The following POR variants were observed in gnomAD, a reference collection of about 807,000 sequenced individuals.
POR encodes the protein cytochrome p450 oxidoreductase, also known as NADPH--cytochrome P450 reductase.
Under a neutral mutation model 84.0 loss-of-function variants are expected in POR, and 56 were observed. The observed-to-expected ratio is 0.67, with a 90% confidence interval of 0.54 to 0.83. The LOEUF (loss-of-function observed/expected upper bound fraction) is 0.83, where lower values mean the gene tolerates loss of function less well. Ranked by LOEUF, POR falls within the 40% of genes least tolerant of loss-of-function variation. The pLI is 0.00. For synonymous variants in POR, 414 were observed against 400.5 expected, an observed-to-expected ratio of 1.03 and a Z score of -0.40; for missense variants, 938 against 944.3, an observed-to-expected ratio of 0.99 and a Z score of 0.09.
chr7:75,981,301 G>A (rs1789027075), intron 6 of POR, 129 bp downstream of exon 6: 19 of 1,376,780 alleles, frequency 1.4e-5, no homozygotes, highest in Non-Finnish European at 1.8e-5. Context: ...GAGGGAAGGG[G>A]CTCTCCTGCC....
At chr7:75,968,263 G>A (rs782458887) in intron 2 of POR, 6 of 467,874 alleles carry the variant, frequency 1.3e-5, no homozygotes, top group African/African-American at 8.0e-5. Context: ...GCGGCTGCCT[G>A]GAGTTAACAG....
chr7:75,929,316 T>C (rs941048962), intron 1 of POR, among the ~76,000 whole-genome samples: 1 of 152,076 alleles, frequency 6.6e-6, no homozygotes, highest in Non-Finnish European at 1.5e-5. Flanking sequence ...CAGGCTGGAG[T>C]GCAGTGGTGC....
intron 1 of POR, chr7:75,922,725 C>G: frequency 2.7e-6 from 1 of 371,932 alleles, no homozygotes; most frequent in Non-Finnish European, 5.0e-6. Context: ...GGTGGGGTTG[C>G]GCATGTTCAG....
At chr7:75,952,995 C>G (rs1469145319) in intron 1 of POR, among the ~76,000 whole-genome samples, 1 of 152,118 alleles carries the variant, frequency 6.6e-6, no homozygotes, top group Non-Finnish European at 1.5e-5. Context: ...TGTAGCGAGC[C>G]GAGATCAAGC....
intron 1 of POR, among the ~76,000 whole-genome samples, chr7:75,924,070 T>A (rs1807001634): frequency 6.6e-6 from 1 of 152,084 alleles, no homozygotes. Context: ...GGTTTAATGT[T>A]GGTGAATGAG....
intron 1 of POR, among the ~76,000 whole-genome samples, chr7:75,934,167 G>A (rs1167944688): frequency 7.0e-6 from 1 of 143,606 alleles, no homozygotes; most frequent in Non-Finnish European, 1.5e-5. Context: ...GTGTGTGTGT[G>A]TGTGTCTTAG....
intron 1 of POR, among the ~76,000 whole-genome samples, chr7:75,931,901 C>A (rs1001565347): frequency 6.6e-6 from 1 of 152,166 alleles, no homozygotes; most frequent in South Asian, 2.1e-4. Context: ...TTCAGTTTGC[C>A]CTCCCTGCTG....
At position 75,982,269 on chromosome 7, in the gene POR, C is replaced by T. The variant is rs782775558; in HGVS notation, c.777C>T (p.Ala259=). 3.1e-6 allele frequency: 5 copies of T among 1,612,836 alleles called. No homozygotes were observed. Among genetic ancestry groups the T allele is most frequent in the African/African-American group, 2.7e-5 (2 of 74,912 alleles). ...TGGTCCACACCGACATAGATGCGGC[C>T]AAGGTGTACATGGGGGAGATGGGCC... The change falls in exon 8 of 16, where the codon GCC becomes GCT. Residue 259 remains alanine, a synonymous_variant. Transcript: ENST00000461988.
At chr7:75,984,642 T>G in intron 10 of POR, 135 bp from the exon 11 acceptor site, 1 of 769,070 alleles carries the variant, frequency 1.3e-6, no homozygotes, top group Non-Finnish European at 2.2e-6. Flanking sequence ...TCAGAGAGCA[T>G]AGGCCTTGTT....
At position 75,980,427 on chromosome 7, in the gene POR, C is replaced by G; in HGVS notation, c.455C>G (p.Ala152Gly). The stretch of plus-strand genomic sequence containing the variant: ...GGTGAGGGAGACCCCACCGACAATG[C>G]CCAGGACTTCTACGACTGGCTGCAG... Residue 152 changes from alanine to glycine, a missense_variant, in exon 5 of 16, where the codon GCC becomes GGC. Transcript: ENST00000461988. 6.2e-7 allele frequency: 1 copy of G among 1,613,338 alleles called. No individual in the cohort carries two copies. The highest frequency in any genetic ancestry group is 8.5e-7 in the Non-Finnish European group (1 of 1,179,888).
chr7:75,979,208 T>C (rs1332750027), intron 3 of POR, among the ~76,000 whole-genome samples: 1 of 152,188 alleles, frequency 6.6e-6, no homozygotes, highest in African/African-American at 2.4e-5. Flanking sequence ...GTCATGAAAA[T>C]GTCAGAAGTG....
intron 1 of POR, among the ~76,000 whole-genome samples, chr7:75,927,461 A>C (rs940160645): frequency 1.3e-5 from 2 of 151,980 alleles, no homozygotes; most frequent in Admixed American, 6.6e-5. Flanking sequence ...TGTCTCAAAA[A>C]AAAAACAACA....
chr7:75,929,013 C>G (rs1807286408), intron 1 of POR, among the ~76,000 whole-genome samples: 1 of 152,136 alleles, frequency 6.6e-6, no homozygotes, highest in Non-Finnish European at 1.5e-5. Context: ...AGGATTTTGT[C>G]TTCCTTGTAA....
intron 3 of POR, among the ~76,000 whole-genome samples, chr7:75,974,670 G>T (rs1174630376): frequency 1.3e-5 from 2 of 151,806 alleles, no homozygotes; most frequent in African/African-American, 4.8e-5. Context: ...GGGATTACAG[G>T]TGCGTGCTAC....
intron 1 of POR, among the ~76,000 whole-genome samples, chr7:75,941,707 G>C (rs140800254): frequency 3.2e-4 from 48 of 152,284 alleles, no homozygotes; most frequent in African/African-American, 1.0e-3. Context: ...GCTGGTTGCG[G>C]TGGTTCACAC....
chr7:75,969,956 C>T (rs2116517803), intron 2 of POR, among the ~76,000 whole-genome samples: 1 of 152,254 alleles, frequency 6.6e-6, no homozygotes, highest in East Asian at 1.9e-4. Flanking sequence ...GCGACAGTAG[C>T]GTTGCTGCGT....
chr7:75,949,137 TTTGTTG>T lies in POR; in HGVS notation c.-4-4825_-4-4820del, dbSNP rs147245532. Among the ~76,000 whole-genome samples, 1,457 of 151,238 alleles carry T rather than the reference TTTGTTG, an allele frequency of 9.6e-3. 28 individuals carry two copies. The highest frequency in any genetic ancestry group is 0.034 in the African/African-American group (1,378 of 41,076). ...ATGAGCTGTGTAAGGACTTCAGGGC[TTTGTTG>T]TTGTTGTTGTTGTTGTTGTTGTTGT... is the stretch of plus-strand genomic sequence containing the variant. On this transcript the variant is annotated intron_variant, in intron 1 of 15. Transcript: ENST00000461988.
chr7:75,935,903 C>T (rs1349584671), intron 1 of POR, among the ~76,000 whole-genome samples: 3 of 151,598 alleles, frequency 2.0e-5, no homozygotes, highest in African/African-American at 4.8e-5. Flanking sequence ...TGTTCAGACT[C>T]CTTTATTAGA....
At chr7:75,923,623 C>A (rs1423731973) in intron 1 of POR, among the ~76,000 whole-genome samples, 5 of 152,148 alleles carry the variant, frequency 3.3e-5, no homozygotes, top group Admixed American at 6.6e-5. Flanking sequence ...CCCGGTGGCT[C>A]ACGCCTATAA....
Sources: allele counts gnomAD v4.1 joint callset (sites outside exome capture counted in the v4.1 genomes callset), GRCh38; gene constraint gnomAD v4.1.1; transcripts MANE v1.5; gene names NCBI Gene and HGNC (gene_info 2026-07-23, HGNC 2026-07-21).